The following STXBP4 variants were observed in gnomAD, a reference collection of about 807,000 sequenced individuals.
The protein encoded by STXBP4 is syntaxin binding protein 4, also known as syntaxin-binding protein 4.
In STXBP4, 55 loss-of-function variants were observed where a neutral mutation model predicts 76.1. That is an observed-to-expected ratio of 0.72 (90% CI 0.58 to 0.91). The LOEUF (loss-of-function observed/expected upper bound fraction) is 0.91, where lower values mean the gene tolerates loss of function less well. Among genes scored for constraint, STXBP4 ranks in the 40% least tolerant of loss-of-function variants. STXBP4 has a pLI of 0.00. For synonymous variants in STXBP4, 201 were observed against 220.2 expected (o/e 0.91, Z 0.77); for missense variants, 618 against 636.9 (o/e 0.97, Z 0.32).
chr17:55,000,281 G>T, intron 6 of STXBP4: 2 of 985,070 alleles, frequency 2.0e-6, no homozygotes, highest in Non-Finnish European at 2.4e-6. Context: ...TCCTTCATGT[G>T]TGCATGCTAT....
At chr17:55,023,038 C>T (rs2078342635) in intron 8 of STXBP4, among the ~76,000 whole-genome samples, 1 of 152,012 alleles carries the variant, frequency 6.6e-6, no homozygotes, top group Non-Finnish European at 1.5e-5. Flanking sequence ...TGATTTTTGC[C>T]TAGTAACAAC....
At chr17:54,999,511 A>G (rs2077872195) in intron 5 of STXBP4, 60 bp downstream of exon 5, 1 of 1,495,818 alleles carries the variant, frequency 6.7e-7, no homozygotes, top group East Asian at 2.3e-5. Context: ...GAAAGCAGTA[A>G]TTTAAGATGT....
At chr17:55,108,866 G>T (rs1336922624) in intron 16 of STXBP4, among the ~76,000 whole-genome samples, 1 of 152,188 alleles carries the variant, frequency 6.6e-6, no homozygotes, top group East Asian at 1.9e-4. Flanking sequence ...CATCTTGCCA[G>T]CCATCAGTTG....
chr17:55,177,684 G>A (rs543674904), downstream of STXBP4, among the ~76,000 whole-genome samples: 1 of 152,328 alleles, frequency 6.6e-6, no homozygotes, highest in South Asian at 2.1e-4. Flanking sequence ...AACAGGAATT[G>A]ATGAATGGCT....
chr17:55,021,449 A>G (rs568333599), intron 8 of STXBP4, among the ~76,000 whole-genome samples: 61 of 152,172 alleles, frequency 4.0e-4, no homozygotes, highest in Admixed American at 1.6e-3. Context: ...CCTTGAGCCC[A>G]GGAGTTCCAG....
the STXBP4 span, among the ~76,000 whole-genome samples, chr17:55,198,661 A>C: frequency 6.6e-6 from 1 of 152,236 alleles, no homozygotes; most frequent in East Asian, 1.9e-4. Flanking sequence ...TAAATGAAGC[A>C]GATCTGATAT....
At chr17:54,995,154 A>G (rs577723459) in intron 4 of STXBP4, among the ~76,000 whole-genome samples, 30 of 152,300 alleles carry the variant, frequency 2.0e-4, no homozygotes, top group African/African-American at 7.0e-4. Flanking sequence ...TGACACATAC[A>G]TACTTGCTCA....
Position 55,173,540 on chromosome 17 carries a change from A to G in STXBP4, c.*13629A>G, listed in dbSNP as rs1210636690. 6.6e-6 allele frequency: 1 copy of G among 152,222 alleles called. No individual in the cohort carries two copies. The highest frequency in any genetic ancestry group is 2.4e-5 in the African/African-American group (1 of 41,452). 9.4% of individuals were successfully genotyped at this position (152,222 alleles called of 1,614,324 possible). ...CTGGGTTATAGTTCATTGTATGGAT[A>G]TACCACAGTTTCTTTAGCCATTCAC... On this transcript the variant is annotated 3_prime_UTR_variant, in exon 18 of 18. Transcript: ENST00000376352.
At chr17:55,103,567 GCCT>G (rs1210037625) in intron 16 of STXBP4, among the ~76,000 whole-genome samples, 2 of 144,942 alleles carry the variant, frequency 1.4e-5, no homozygotes, top group African/African-American at 5.0e-5. Flanking sequence ...GTAGCATGAT[GCCT>G]CCAGTTTTGT....
chr17:54,969,751 A>T (rs749901144), intron 1 of STXBP4, among the ~76,000 whole-genome samples: 1 of 152,168 alleles, frequency 6.6e-6, no homozygotes, highest in Non-Finnish European at 1.5e-5. Context: ...TCGACATTTT[A>T]TTTATTTATT....
rs77306381 is a variant in STXBP4 at position 55,145,667 on chromosome 17, T to C, written c.1547+4300T>C. Among the ~76,000 whole-genome samples, 406 of 152,296 alleles carry C rather than the reference T, an allele frequency of 2.7e-3. 1 individual carries two copies. The highest frequency in any genetic ancestry group is 6.8e-3 in the Middle Eastern group (2 of 292). On this transcript the variant is annotated intron_variant, in intron 17 of 17. Transcript: ENST00000376352. Reference sequence around the variant, plus strand: ...ACCTAGGATGAACAAATTTGATCAGTGTTGGCATCGCTACAGCCAGTGTTT... The same window carrying C: ...ACCTAGGATGAACAAATTTGATCAGCGTTGGCATCGCTACAGCCAGTGTTT...
At chr17:55,187,766 C>A in the STXBP4 span, among the ~76,000 whole-genome samples, 1 of 152,134 alleles carries the variant, frequency 6.6e-6, no homozygotes, top group Non-Finnish European at 1.5e-5. Context: ...CTAGAGTTGT[C>A]GATCAGGGAT....
intron 16 of STXBP4, among the ~76,000 whole-genome samples, chr17:55,100,338 C>T (rs538152492): frequency 1.3e-5 from 2 of 152,250 alleles, no homozygotes; most frequent in African/African-American, 4.8e-5. Flanking sequence ...TGGATGGGAA[C>T]GTAGCTTGTA....
chr17:55,078,532 C>T lies in STXBP4; in HGVS notation c.1306-154C>T, dbSNP rs376606178. Among the ~76,000 whole-genome samples, 239 of 152,194 alleles carry T rather than the reference C, an allele frequency of 1.6e-3. 7 individuals are homozygous for T. In the South Asian group the frequency reaches 0.045, roughly 29 times the overall value. On this transcript the variant is annotated intron_variant, in intron 14 of 17. Coordinates refer to ENST00000376352, the MANE Select transcript of STXBP4 (RefSeq NM_178509.6). ...ATAGCTGTTATATTTCTGAGTAAAA[C>T]TGCATGTTAGTTCAATTGTTTGCAC...
At chr17:55,128,579 A>G (rs2079937659) in intron 16 of STXBP4, among the ~76,000 whole-genome samples, 1 of 152,148 alleles carries the variant, frequency 6.6e-6, no homozygotes, top group African/African-American at 2.4e-5. Flanking sequence ...GGACACAACT[A>G]TAAGATTTCA....
intron 4 of STXBP4, among the ~76,000 whole-genome samples, chr17:54,992,705 C>G (rs969813950): frequency 5.2e-5 from 5 of 96,844 alleles, no homozygotes; most frequent in African/African-American, 1.6e-4. Context: ...AATTTGCTTC[C>G]TTTTTTTTTT....
At chr17:55,125,168 G>A (rs1365341257) in intron 16 of STXBP4, among the ~76,000 whole-genome samples, 2 of 152,142 alleles carry the variant, frequency 1.3e-5, no homozygotes, top group Non-Finnish European at 2.9e-5. Context: ...AGAAAGGTCT[G>A]AGTGCAGCAT....
chr17:55,044,393 G>T (rs2078756597), intron 11 of STXBP4: 1 of 151,694 alleles, frequency 6.6e-6, no homozygotes, highest in Admixed American at 6.6e-5. Flanking sequence ...CAAAAGGAAA[G>T]AAAATTTGTT....
At chr17:55,108,737 C>T (rs1277274094) in intron 16 of STXBP4, among the ~76,000 whole-genome samples, 1 of 152,176 alleles carries the variant, frequency 6.6e-6, no homozygotes, top group African/African-American at 2.4e-5. Context: ...ATGGGCTGCA[C>T]CCACTGTCTA....
Sources: gnomAD v4.1 joint callset for allele counts (sites outside exome capture counted in the v4.1 genomes callset) on GRCh38, gnomAD v4.1.1 for gene constraint, MANE v1.5 for transcripts, NCBI Gene and HGNC (gene_info 2026-07-23, HGNC 2026-07-21) for gene names.